Variants in ADAMDEC1 observed in about 807,000 individuals in gnomAD.
The protein encoded by ADAMDEC1 is ADAM like decysin 1.
Under a neutral mutation model 60.4 loss-of-function variants are expected in ADAMDEC1, and 62 were observed. The observed-to-expected ratio is 1.03, with a 90% CI of 0.84 to 1.27. ADAMDEC1 has a LOEUF of 1.27. ADAMDEC1 is among the 50% of genes most tolerant of loss of function. ADAMDEC1 has a pLI of 0.00. For missense variants in ADAMDEC1, 595 were observed against 565.0 expected, an observed-to-expected ratio of 1.05 and a Z score of -0.54; for synonymous variants, 210 against 195.1, an observed-to-expected ratio of 1.08 and a Z score of -0.64.
At chr8:24,397,569 ATTTAC>A (rs1479612677) in intron 6 of ADAMDEC1, 109 bp from the exon 7 acceptor site, 1 of 1,460,098 alleles carries the variant, frequency 6.8e-7, no homozygotes, top group African/African-American at 1.4e-5. Flanking sequence ...CCTATAATTT[ATTTAC>A]TTATTTTTCT....
At chr8:24,390,579 G>A (rs1292783004) in intron 1 of ADAMDEC1, among the ~76,000 whole-genome samples, 1 of 152,080 alleles carries the variant, frequency 6.6e-6, no homozygotes, top group Non-Finnish European at 1.5e-5. Context: ...AATTAGCCAG[G>A]TGTGGTGGTA....
At chr8:24,385,957 C>A (rs949493777) in intron 1 of ADAMDEC1, among the ~76,000 whole-genome samples, 1 of 150,844 alleles carries the variant, frequency 6.6e-6, no homozygotes, top group African/African-American at 2.4e-5. Flanking sequence ...AAAAAAAAAT[C>A]TACATATCTT....
chr8:24,398,552 G>T lies in ADAMDEC1; in HGVS notation c.762+1G>T, dbSNP rs991096503. 2.5e-6 allele frequency: 4 copies of T among 1,592,452 alleles called. No homozygotes were observed. Among genetic ancestry groups the T allele is most frequent in the Non-Finnish European group, 3.4e-6 (4 of 1,165,542 alleles). ...TGATGTGATGAACCTACTCAATGTG[G>T]TAAGACATTAGTCATGTAAACCTCA... is the stretch of plus-strand genomic sequence containing the variant. On this transcript the variant is annotated splice_donor_variant, in intron 8 of 13. Coordinates refer to ENST00000256412, the MANE Select transcript of ADAMDEC1 (RefSeq NM_014479.3). LOFTEE classifies it high-confidence loss of function.
At position 24,384,418 on chromosome 8, in the gene ADAMDEC1, C is replaced by T. The variant is rs532766305; in HGVS notation, c.-87C>T. 51 of 1,122,202 alleles carry T rather than the reference C, an allele frequency of 4.5e-5. No homozygotes were observed. Among genetic ancestry groups the T allele is most frequent in the South Asian group, 1.1e-4 (7 of 62,474 alleles). The allele number at this position is 1,122,202 out of a possible 1,614,324, so 69.5% of individuals were successfully genotyped here. A position where few individuals can be genotyped will look rare whatever the true frequency, so the allele number is the denominator to read the frequency against. Reference sequence around the variant, plus strand: ...TTAAGAAACATTCCCCAATCTCACACGAAAAGTGGGGGTTTTAATTTTCTT... The same window carrying T: ...TTAAGAAACATTCCCCAATCTCACATGAAAAGTGGGGGTTTTAATTTTCTT... On this transcript the variant is annotated 5_prime_UTR_variant, in exon 1 of 14. The change creates a new upstream start codon in the 5' untranslated region. Coordinates refer to ENST00000256412, the MANE Select transcript of ADAMDEC1 (RefSeq NM_014479.3).
At chr8:24,385,230 T>A (rs1253235661) in intron 1 of ADAMDEC1, among the ~76,000 whole-genome samples, 1 of 152,202 alleles carries the variant, frequency 6.6e-6, no homozygotes, top group Non-Finnish European at 1.5e-5. Context: ...CGTATTTCCA[T>A]GTATAAACAC....
At chr8:24,403,971 C>A (rs1348764686) in intron 12 of ADAMDEC1, 32 bp from the exon 13 acceptor site, 27 of 1,579,936 alleles carry the variant, frequency 1.7e-5, no homozygotes, top group Non-Finnish European at 2.3e-5. Context: ...AATGTTGAAC[C>A]CACCTTTTTC....
At chr8:24,385,886 A>G (rs1817278049) in intron 1 of ADAMDEC1, among the ~76,000 whole-genome samples, 1 of 152,160 alleles carries the variant, frequency 6.6e-6, no homozygotes, top group Non-Finnish European at 1.5e-5. Flanking sequence ...TCGGATGAGA[A>G]TTAATTGTAC....
At chr8:24,395,657 C>A (rs1244944269) in intron 4 of ADAMDEC1, 63 bp from the exon 5 acceptor site, 2 of 1,089,190 alleles carry the variant, frequency 1.8e-6, no homozygotes, top group Non-Finnish European at 2.8e-6. Flanking sequence ...ATACATTACA[C>A]ACACACTCAC....
chr8:24,388,437 T>C (rs1423348811), intron 1 of ADAMDEC1, among the ~76,000 whole-genome samples: 1 of 152,066 alleles, frequency 6.6e-6, no homozygotes, highest in Non-Finnish European at 1.5e-5. Context: ...AATCCAGTGG[T>C]CATTTTGGGG....
intron 1 of ADAMDEC1, among the ~76,000 whole-genome samples, chr8:24,389,148 G>A (rs746716431): frequency 1.4e-4 from 22 of 152,136 alleles, no homozygotes; most frequent in Non-Finnish European, 4.4e-5. Flanking sequence ...TTAATCAGAA[G>A]CCAACTTGCC....
At position 24,400,314 on chromosome 8, in the gene ADAMDEC1, A is replaced by G. The variant is rs757694534; in HGVS notation, c.1142+14A>G. 1 of 1,585,382 alleles carries G rather than the reference A, an allele frequency of 6.3e-7. No individual in the cohort carries two copies. On this transcript the variant is annotated intron_variant, in intron 11 of 13. Coordinates refer to ENST00000256412, the MANE Select transcript of ADAMDEC1 (RefSeq NM_014479.3). The stretch of plus-strand genomic sequence containing the variant: ...TCAGTATCTGAGGTGAGACCTTGTC[A>G]TCCTAAAAGGAGAGAGATATTTTCC...
intron 1 of ADAMDEC1, among the ~76,000 whole-genome samples, chr8:24,386,271 C>T (rs1563350669): frequency 6.6e-6 from 1 of 152,158 alleles, no homozygotes; most frequent in Non-Finnish European, 1.5e-5. Context: ...TTTACCCATA[C>T]ACAATCTTAT....
At position 24,405,425 on chromosome 8, in the gene ADAMDEC1, G is replaced by C; in HGVS notation, c.*127G>C. 1 of 1,097,410 alleles carries C rather than the reference G, an allele frequency of 9.1e-7. No homozygotes were observed. The highest frequency in any genetic ancestry group is 1.4e-6 in the Non-Finnish European group (1 of 740,618). The allele number at this position is 1,097,410 out of a possible 1,614,324, so 68.0% of individuals were successfully genotyped here. ...CACTTGTCATTCTACTTTCTATATT[G>C]TTATCAGTCCAGGAAACAGGTAAAC... On this transcript the variant is annotated 3_prime_UTR_variant, in exon 14 of 14. Coordinates refer to ENST00000256412, the MANE Select transcript of ADAMDEC1 (RefSeq NM_014479.3).
At chr8:24,398,783 A>G in intron 8 of ADAMDEC1, 91 bp from the exon 9 acceptor site, 1 of 1,336,110 alleles carries the variant, frequency 7.5e-7, no homozygotes, top group South Asian at 1.3e-5. Flanking sequence ...CTTGTAGTCC[A>G]TCACTTTATC....
chr8:24,399,097 C>A, intron 9 of ADAMDEC1, 57 bp downstream of exon 9: 1 of 1,542,152 alleles, frequency 6.5e-7, no homozygotes, highest in South Asian at 1.2e-5. Context: ...CCCCAGGGTT[C>A]CTTAGCAGGG....
In ADAMDEC1 at chr8:24,393,310, G is replaced by T. The variant is rs1454716974; in HGVS notation, c.256G>T (p.Glu86Ter). The change falls in exon 3 of 14, where the codon GAA becomes TAA. Residue 86 changes from glutamate to a stop codon, truncating the protein, a stop_gained. Coordinates refer to ENST00000256412, the MANE Select transcript of ADAMDEC1 (RefSeq NM_014479.3). LOFTEE classifies it high-confidence loss of function. The stretch of plus-strand genomic sequence containing the variant: ...ATATCAGATGATCTTAAATGGAGAA[G>T]AAATCATTCTCTCCCTACAAAAAAC... ...VQYQMILNGE[E>*]IILSLQKTKH... 3.1e-6 allele frequency: 5 copies of T among 1,605,278 alleles called. No homozygotes were observed. Among genetic ancestry groups the T allele is most frequent in the Non-Finnish European group, 4.3e-6 (5 of 1,174,778 alleles).
rs1817672442 is a variant in ADAMDEC1, at chr8:24,398,460, TTG to T, written c.691-16_691-15del. ...GTGTAATCTGCTATTTCACTATACTTTGTGTTTTGTATTTTACAGTATAAGAA... is the reference window on the plus strand; with the variant it reads ...GTGTAATCTGCTATTTCACTATACTTTGTTTTGTATTTTACAGTATAAGAA... On this transcript the variant is annotated intron_variant, in intron 7 of 13. Transcript: ENST00000256412. The T allele has an allele frequency of 7.0e-7, 1 of 1,435,484 alleles. No individual in the cohort carries two copies. Among genetic ancestry groups the T allele is most frequent in the African/African-American group, 1.4e-5 (1 of 70,444 alleles). The allele number at this position is 1,435,484 out of a possible 1,614,324, so 88.9% of individuals were successfully genotyped here. A position where few individuals can be genotyped will look rare whatever the true frequency, so the allele number is the denominator to read the frequency against.
intron 1 of ADAMDEC1, among the ~76,000 whole-genome samples, chr8:24,386,001 T>A (rs1461919832): frequency 6.6e-6 from 1 of 152,082 alleles, no homozygotes; most frequent in Non-Finnish European, 1.5e-5. Context: ...CTCAAAATAC[T>A]CATAGATACA....
intron 6 of ADAMDEC1, 109 bp downstream of exon 6, chr8:24,397,565 A>C: frequency 6.8e-7 from 1 of 1,469,586 alleles, no homozygotes. Context: ...CAAGCCTATA[A>C]TTTATTTACT....
Sources: allele counts gnomAD v4.1 joint callset (sites outside exome capture counted in the v4.1 genomes callset), GRCh38; gene constraint gnomAD v4.1.1; transcripts MANE v1.5; gene names NCBI Gene and HGNC (gene_info 2026-07-23, HGNC 2026-07-21).